NSD1: variants seen among roughly 807,000 people sequenced by gnomAD.
NSD1 encodes the protein nuclear receptor binding SET domain protein 1.
A neutral mutation model predicts 242.7 loss-of-function variants in NSD1; 26 were observed. The observed-to-expected ratio is 0.11, with a 90% confidence interval of 0.08 to 0.15. The LOEUF (loss-of-function observed/expected upper bound fraction) is 0.15, where lower values mean the gene tolerates loss of function less well. NSD1 is among the 10% of genes least tolerant of loss of function. The probability of loss-of-function intolerance (pLI) is 1.00; values close to 1 mark genes in which losing one functional copy is unlikely to be tolerated. For synonymous variants in NSD1, 1,106 were observed against 1,178.1 expected (o/e 0.94, Z 1.25); for missense variants, 2,495 against 3,272.8 (o/e 0.76, Z 5.80).
At chr5:177,214,521 T>A (rs907971753) in intron 5 of NSD1, among the ~76,000 whole-genome samples, 4 of 152,210 alleles carry the variant, frequency 2.6e-5, no homozygotes, top group Non-Finnish European at 4.4e-5. Context: ...ACTAACATTC[T>A]TTCTGCTTCT....
chr5:177,177,416 A>G (rs2149804837), intron 2 of NSD1, among the ~76,000 whole-genome samples: 1 of 152,242 alleles, frequency 6.6e-6, no homozygotes, highest in East Asian at 1.9e-4. Context: ...AGGCTGAGGC[A>G]GGAGAATCGC....
chr5:177,132,086 C>T (rs1043941086), upstream of NSD1, among the ~76,000 whole-genome samples: 6 of 152,168 alleles, frequency 3.9e-5, no homozygotes, highest in Non-Finnish European at 8.8e-5. The surrounding 1 kb of genome is among the most constrained non-coding windows in gnomAD (Gnocchi z 7.5). Context: ...CGCGGTCGTG[C>T]TAGATTCGGT....
intron 3 of NSD1, among the ~76,000 whole-genome samples, chr5:177,200,093 G>A (rs896941432): frequency 2.0e-5 from 3 of 148,466 alleles, no homozygotes; most frequent in Non-Finnish European, 4.5e-5. Context: ...TAAATTTAAT[G>A]TTTTTTTTTT....
At chr5:177,285,228 C>T (rs74686178) in intron 20 of NSD1, among the ~76,000 whole-genome samples, 2,523 of 152,082 alleles carry the variant, frequency 0.017, 31 homozygotes, top group Non-Finnish European at 0.027. Flanking sequence ...AACATATATA[C>T]CTATGCATGT....
At position 177,134,959 on chromosome 5, in the gene NSD1, C is replaced by T; in HGVS notation, c.-17-128C>T. ...ATTTTTTCATCTCCAGTCGGGGGAACTTTTTCTGCCCATGGAAGTGCAGCA... is the reference window on the plus strand; with the variant it reads ...ATTTTTTCATCTCCAGTCGGGGGAATTTTTTCTGCCCATGGAAGTGCAGCA... On this transcript the variant is annotated intron_variant, in intron 1 of 22. Coordinates refer to ENST00000439151, the MANE Select transcript of NSD1 (RefSeq NM_022455.5). The surrounding 1 kb of genome is among the most constrained non-coding windows in gnomAD (Gnocchi z 4.2). The T allele has an allele frequency of 1.3e-6, 1 of 797,470 alleles. No individual in the cohort carries two copies. Among genetic ancestry groups the T allele is most frequent in the Non-Finnish European group, 2.0e-6 (1 of 492,338 alleles). 49.4% of individuals were successfully genotyped at this position (797,470 alleles called of 1,614,324 possible).
chr5:177,256,704 C>T (rs1756496439), intron 12 of NSD1, among the ~76,000 whole-genome samples: 1 of 152,124 alleles, frequency 6.6e-6, no homozygotes, highest in African/African-American at 2.4e-5. Flanking sequence ...TCAGTTTTTT[C>T]TTTTTTTGGC....
intron 22 of NSD1, 26 bp from the exon 23 acceptor site, chr5:177,293,806 C>T: frequency 6.2e-7 from 1 of 1,613,088 alleles, no homozygotes; most frequent in South Asian, 1.1e-5. Context: ...TTTTCCTAAA[C>T]TTTTGATTTA....
rs886060463 is a variant in NSD1 at position 177,300,060 on chromosome 5, C to T, written c.*4601C>T. 532 of 137,698 alleles carry T rather than the reference C, an allele frequency of 3.9e-3. 8 individuals are homozygous for T. The highest frequency in any genetic ancestry group is 3.8e-3 in the Non-Finnish European group (290 of 77,240). The allele number at this position is 137,698 out of a possible 1,614,324, so 8.5% of individuals were successfully genotyped here. A position where few individuals can be genotyped will look rare whatever the true frequency, so the allele number is the denominator to read the frequency against. On this transcript the variant is annotated 3_prime_UTR_variant, in exon 23 of 23. Coordinates refer to ENST00000439151, the MANE Select transcript of NSD1 (RefSeq NM_022455.5). ...TCCATCATTGCTTTTTTGCCGCGCC[C>T]CCCCCCCCCCGCCCCCATAGATTGT... is the stretch of plus-strand genomic sequence containing the variant.
intron 2 of NSD1, among the ~76,000 whole-genome samples, chr5:177,150,324 T>TGTCTC (rs1315615031): frequency 7.9e-5 from 12 of 152,044 alleles, no homozygotes; most frequent in African/African-American, 2.9e-4. Flanking sequence ...AGAGACAGGT[T>TGTCTC]TTCACTGTGT....
At chr5:177,249,991 C>T (rs188710142) in intron 11 of NSD1, among the ~76,000 whole-genome samples, 3 of 152,288 alleles carry the variant, frequency 2.0e-5, no homozygotes. Context: ...AGGCTGAGGT[C>T]ATTGGATCAC....
intron 4 of NSD1, among the ~76,000 whole-genome samples, chr5:177,206,857 TAA>T (rs5873569): frequency 3.2e-4 from 47 of 146,256 alleles, no homozygotes; most frequent in East Asian, 9.9e-4. Context: ...TTTCTGTGCT[TAA>T]AAAAAAAAAA....
At chr5:177,213,490 C>T (rs892664353) in intron 5 of NSD1, among the ~76,000 whole-genome samples, 4 of 151,874 alleles carry the variant, frequency 2.6e-5, no homozygotes, top group East Asian at 3.9e-4. Context: ...TTTCTTGAGA[C>T]GGAGTCTCGC....
chr5:177,294,450 T>A lies in NSD1; in HGVS notation c.7082T>A (p.Leu2361Gln). 1.2e-6 allele frequency: 2 copies of A among 1,614,212 alleles called. No homozygotes were observed. The highest frequency in any genetic ancestry group is 1.7e-6 in the Non-Finnish European group (2 of 1,180,042). The change falls in exon 23 of 23, where the codon CTG becomes CAG. Residue 2361 changes from leucine to glutamine, a missense_variant. Transcript: ENST00000439151. ...CCTCTGGGGACGGCTGACCCAAGGC[T>A]GGATAAATCCATAGGTGCTGCCAGC... is the stretch of plus-strand genomic sequence containing the variant. ...ERPLGTADPRLDKSIGAASPR... is the reference protein window; with the variant it reads ...ERPLGTADPRQDKSIGAASPR...
At chr5:177,184,247 C>A (rs1480113756) in intron 2 of NSD1, among the ~76,000 whole-genome samples, 1 of 152,158 alleles carries the variant, frequency 6.6e-6, no homozygotes, top group Non-Finnish European at 1.5e-5. Context: ...TTCCTACCAA[C>A]AACGTATGAG....
At chr5:177,173,422 AGT>A (rs941418497) in intron 2 of NSD1, among the ~76,000 whole-genome samples, 7 of 143,312 alleles carry the variant, frequency 4.9e-5, no homozygotes, top group Admixed American at 2.1e-4. Context: ...AGTAATTTCG[AGT>A]GTATGTCTTA....
Position 177,294,993 on chromosome 5 carries a change from C to G in NSD1, c.7625C>G (p.Pro2542Arg). 3.1e-6 allele frequency: 5 copies of G among 1,614,266 alleles called. No homozygotes were observed. Among genetic ancestry groups the G allele is most frequent in the Non-Finnish European group, 4.2e-6 (5 of 1,180,046 alleles). ...ACCCAGGCCAGACTTCTTTCTCAGC[C>G]TCCTGCCAAGGCCTTTTTATATGAG... ...SLTQARLLSQ[P>R]PAKAFLYEPT... Residue 2542 changes from proline (P) to arginine (R), a missense_variant, in exon 23 of 23, where the codon CCT becomes CGT. This residue lies in a region of NSD1 where 475 missense variants were observed against 563.7 expected (regional missense o/e 0.84). Transcript: ENST00000439151.
At chr5:177,207,509 C>A (rs1310198646) in intron 4 of NSD1, among the ~76,000 whole-genome samples, 1 of 150,576 alleles carries the variant, frequency 6.6e-6, no homozygotes, top group Non-Finnish European at 1.5e-5. Flanking sequence ...GTCTCGATCT[C>A]CTGACCTTGT....
chr5:177,213,436 A>G (rs1230985113), intron 5 of NSD1, among the ~76,000 whole-genome samples: 1 of 152,160 alleles, frequency 6.6e-6, no homozygotes, highest in East Asian at 1.9e-4. Flanking sequence ...AGACAGAAAC[A>G]CAGAACTCTT....
intron 2 of NSD1, among the ~76,000 whole-genome samples, chr5:177,148,362 C>T (rs781301227): frequency 3.3e-5 from 5 of 152,134 alleles, no homozygotes; most frequent in Admixed American, 6.6e-5. Context: ...AGGTGATCCA[C>T]CCTCCTCAGC....
Sources: gnomAD v4.1 joint callset for allele counts (sites outside exome capture counted in the v4.1 genomes callset) on GRCh38, gnomAD v4.1.1 for gene constraint, gnomAD v4.1.1 regional missense constraint, Gnocchi (gnomAD v3.1) non-coding constraint, MANE v1.5 for transcripts, NCBI Gene and HGNC (gene_info 2026-07-23, HGNC 2026-07-21) for gene names.